ELF1: variants seen among roughly 807,000 people sequenced by gnomAD.
ELF1 encodes the protein ETS-related transcription factor Elf-1.
Under a neutral mutation model 59.9 loss-of-function variants are expected in ELF1, and 24 were observed. The ratio of observed to expected loss-of-function variants is 0.40; its 90% CI spans 0.29 to 0.56. ELF1 has a LOEUF of 0.56. ELF1 is among the 20% of genes least tolerant of loss of function. ELF1 has a pLI of 0.44. For missense variants in ELF1, 627 were observed against 742.2 expected, an observed-to-expected ratio of 0.84 and a Z score of 1.80; for synonymous variants, 248 against 266.2, an observed-to-expected ratio of 0.93 and a Z score of 0.67.
chr13:40,970,807 A>G (rs1248615436), intron 2 of ELF1, among the ~76,000 whole-genome samples: 2 of 152,202 alleles, frequency 1.3e-5, no homozygotes, highest in Non-Finnish European at 2.9e-5. Flanking sequence ...TGTCTGGTCA[A>G]TGTACTTTCA....
intron 1 of ELF1, among the ~76,000 whole-genome samples, chr13:41,000,237 C>CTTTTTTTTTTTTTTTTTTTTTT (rs55938711): frequency 1.8e-5 from 1 of 54,722 alleles, no homozygotes; most frequent in African/African-American, 7.7e-5. Context: ...TTGAACCTGG[C>CTTTTTTTTTTTTTTTTTTTTTT]TTTTTTTTTT....
chr13:40,959,967 TAAAAGTTG>T (rs1183166608), intron 2 of ELF1, among the ~76,000 whole-genome samples: 1 of 152,184 alleles, frequency 6.6e-6, no homozygotes, highest in Non-Finnish European at 1.5e-5. Flanking sequence ...CGCAGACTTA[TAAAAGTTG>T]CAAAAACAGC....
chr13:40,958,795 C>T, intron 3 of ELF1, 41 bp downstream of exon 3: 2 of 1,574,132 alleles, frequency 1.3e-6, no homozygotes, highest in Non-Finnish European at 1.7e-6. Context: ...CTGCCTAAAG[C>T]TGTGCTGCAG....
At chr13:40,993,461 G>A (rs567756206) in intron 1 of ELF1, 22 of 600,514 alleles carry the variant, frequency 3.7e-5, no homozygotes, top group Middle Eastern at 4.7e-4. Context: ...CCCAACTTAA[G>A]CACCCAGCGG....
At chr13:40,939,630 A>G (rs1007580963) in intron 8 of ELF1, among the ~76,000 whole-genome samples, 18 of 152,218 alleles carry the variant, frequency 1.2e-4, no homozygotes, top group Admixed American at 2.0e-4. Context: ...TAAGAGTTAA[A>G]TAAGCACCCA....
chr13:40,942,877 C>CTT, intron 7 of ELF1, 75 bp downstream of exon 7: 1 of 1,398,692 alleles, frequency 7.1e-7, no homozygotes, highest in Non-Finnish European at 9.5e-7. Context: ...CTTTGCTGAA[C>CTT]TTAAGCTTAG....
chr13:41,017,692 A>C (rs1875487835), intron 1 of ELF1, among the ~76,000 whole-genome samples: 1 of 152,134 alleles, frequency 6.6e-6, no homozygotes, highest in Non-Finnish European at 1.5e-5. Flanking sequence ...TAAATTTAAG[A>C]AACCAAATTC....
At chr13:40,995,966 G>A (rs987437260) in intron 1 of ELF1, among the ~76,000 whole-genome samples, 7 of 152,096 alleles carry the variant, frequency 4.6e-5, no homozygotes, top group African/African-American at 1.7e-4. Context: ...AAATATGCAA[G>A]GACCTCTCAA....
chr13:40,946,706 A>G (rs1870533023), intron 5 of ELF1, among the ~76,000 whole-genome samples: 2 of 152,172 alleles, frequency 1.3e-5, no homozygotes, highest in African/African-American at 4.8e-5. Flanking sequence ...CACAACAAGC[A>G]TGAAGACCTT....
intron 1 of ELF1, among the ~76,000 whole-genome samples, chr13:41,028,027 CA>C (rs1376440326): frequency 2.0e-5 from 3 of 152,284 alleles, no homozygotes; most frequent in Non-Finnish European, 2.9e-5. Flanking sequence ...CTAAGGAATA[CA>C]AATAGGAATG....
chr13:41,029,629 G>A (rs565617692), intron 1 of ELF1, among the ~76,000 whole-genome samples: 1 of 152,068 alleles, frequency 6.6e-6, no homozygotes, highest in Non-Finnish European at 1.5e-5. Context: ...TGATCCACCC[G>A]CCTCAGCCTC....
intron 3 of ELF1, among the ~76,000 whole-genome samples, chr13:40,955,472 C>G (rs1395605838): frequency 8.9e-6 from 1 of 112,872 alleles, no homozygotes; most frequent in Admixed American, 8.2e-5. Context: ...AGGTGAGGGG[C>G]GCCTCTGCCC....
chr13:41,022,315 T>C (rs1345382994), upstream of ELF1, among the ~76,000 whole-genome samples: 2 of 152,178 alleles, frequency 1.3e-5, no homozygotes, highest in Non-Finnish European at 2.9e-5. Context: ...ACTGACTCCA[T>C]GACTCTGTAT....
chr13:40,978,781 T>G (rs142422755), intron 2 of ELF1, among the ~76,000 whole-genome samples: 1,679 of 147,462 alleles, frequency 0.011, 37 homozygotes, highest in African/African-American at 0.039. Context: ...ATTTCCACCC[T>G]AAAGACTGGC....
chr13:41,057,772 G>C (rs1420603661), intron 1 of ELF1, among the ~76,000 whole-genome samples: 1 of 152,182 alleles, frequency 6.6e-6, no homozygotes, highest in East Asian at 1.9e-4. Context: ...TGGCCCAAGA[G>C]ACAGCACCTA....
At chr13:41,015,002 C>T (rs895460602) in intron 1 of ELF1, among the ~76,000 whole-genome samples, 1 of 151,866 alleles carries the variant, frequency 6.6e-6, no homozygotes, top group African/African-American at 2.4e-5. Context: ...TGCCCTCCCC[C>T]CAAAAAAAGA....
intron 1 of ELF1, chr13:40,982,963 G>A: frequency 1.4e-6 from 1 of 689,982 alleles, no homozygotes; most frequent in Non-Finnish European, 1.8e-6. Flanking sequence ...ACTTGACCAC[G>A]TCATGGCAAA....
chr13:40,943,935 A>G lies in ELF1; in HGVS notation c.530-10T>C, dbSNP rs901079761. The G allele has an allele frequency of 6.2e-7, 1 of 1,612,584 alleles. No homozygotes were observed. Among genetic ancestry groups the G allele is most frequent in the East Asian group, 2.2e-5 (1 of 44,858 alleles). On this transcript the variant is annotated splice_polypyrimidine_tract_variant and intron_variant, in intron 5 of 8. Transcript: ENST00000239882. The stretch of plus-strand genomic sequence containing the variant: ...GGTTTAGTTTTTCTTCCTGAAATAA[A>G]AACAGCTCTGCATAAATATTTGCCT...
intron 3 of ELF1, among the ~76,000 whole-genome samples, chr13:40,953,951 C>A (rs925772843): frequency 1.3e-5 from 2 of 152,144 alleles, no homozygotes; most frequent in African/African-American, 4.8e-5. Flanking sequence ...ACACTCCTTC[C>A]GGAAAGACAT....
Sources: gnomAD v4.1 joint callset for allele counts (sites outside exome capture counted in the v4.1 genomes callset) on GRCh38, gnomAD v4.1.1 for gene constraint, MANE v1.5 for transcripts, NCBI Gene and HGNC (gene_info 2026-07-23, HGNC 2026-07-21) for gene names.